Variants in IGF1R observed in about 807,000 individuals in gnomAD.
IGF1R encodes insulin-like growth factor 1 receptor.
A neutral mutation model predicts 144.6 loss-of-function variants in IGF1R; 44 were observed. That is an observed-to-expected ratio of 0.30 (90% CI 0.24 to 0.39). IGF1R has a LOEUF of 0.39. IGF1R is among the 10% of genes least tolerant of loss of function. The pLI, the probability that IGF1R is intolerant of heterozygous loss-of-function variation, is 1.00. For synonymous variants in IGF1R, 795 were observed against 722.8 expected (o/e 1.10, Z -1.60); for missense variants, 1,355 against 1,833.7 (o/e 0.74, Z 4.77).
At chr15:98,879,634 A>C (rs2013266128) in intron 2 of IGF1R, among the ~76,000 whole-genome samples, 1 of 152,112 alleles carries the variant, frequency 6.6e-6, no homozygotes, top group African/African-American at 2.4e-5. Context: ...TTTAGAATGA[A>C]TCTAGAATGC....
chr15:98,757,008 T>A (rs142945274), intron 2 of IGF1R, among the ~76,000 whole-genome samples: 11 of 152,358 alleles, frequency 7.2e-5, no homozygotes, highest in African/African-American at 2.4e-4. Flanking sequence ...TAAGTTTTAA[T>A]TGCTTTGTGG....
At chr15:98,948,496 A>G (rs2016642475) in intron 19 of IGF1R, 78 bp from the exon 20 acceptor site, 1 of 1,459,814 alleles carries the variant, frequency 6.9e-7, no homozygotes, top group East Asian at 2.3e-5. Flanking sequence ...TCGGGATGTA[A>G]GAAGTGCTGG....
intron 2 of IGF1R, among the ~76,000 whole-genome samples, chr15:98,826,958 A>G (rs1421423418): frequency 6.6e-6 from 1 of 152,244 alleles, no homozygotes; most frequent in Non-Finnish European, 1.5e-5. Context: ...ACGGCTGCCT[A>G]GGATTAGACT....
At chr15:98,940,041 G>T (rs927409660) in intron 18 of IGF1R, among the ~76,000 whole-genome samples, 2 of 152,180 alleles carry the variant, frequency 1.3e-5, no homozygotes, top group Non-Finnish European at 2.9e-5. Flanking sequence ...TTGAATTTCT[G>T]AGCAATGGTT....
chr15:98,831,703 A>T (rs960168959), intron 2 of IGF1R, among the ~76,000 whole-genome samples: 1 of 152,206 alleles, frequency 6.6e-6, no homozygotes, highest in Non-Finnish European at 1.5e-5. Flanking sequence ...GTGAGAAGGT[A>T]TTGGGGGTGT....
At chr15:98,936,073 C>T (rs1229788066) in intron 17 of IGF1R, among the ~76,000 whole-genome samples, 1 of 152,172 alleles carries the variant, frequency 6.6e-6, no homozygotes, top group African/African-American at 2.4e-5. Flanking sequence ...TTCATAAACC[C>T]CCTCCCCACA....
chr15:98,768,960 C>CAAA (rs1567119552), intron 2 of IGF1R, among the ~76,000 whole-genome samples: 36 of 146,040 alleles, frequency 2.5e-4, no homozygotes, highest in South Asian at 1.3e-3. Context: ...ACAACAACAA[C>CAAA]ACCTCACAAC....
At chr15:98,768,951 CAA>C (rs2055513191) in intron 2 of IGF1R, among the ~76,000 whole-genome samples, 1 of 131,920 alleles carries the variant, frequency 7.6e-6, no homozygotes, top group African/African-American at 2.6e-5. Flanking sequence ...ACAACAACAA[CAA>C]CAACAACACC....
At chr15:98,700,413 A>G (rs2053699552) in intron 1 of IGF1R, among the ~76,000 whole-genome samples, 1 of 152,130 alleles carries the variant, frequency 6.6e-6, no homozygotes, top group Non-Finnish European at 1.5e-5. Flanking sequence ...GGGTAGTGAC[A>G]GGTGGTGTGG....
In IGF1R at chr15:98,942,942, T is replaced by C. The variant is rs562799543; in HGVS notation, c.3477T>C (p.Asp1159=). 3.3e-4 allele frequency: 530 copies of C among 1,614,172 alleles called. 4 individuals carry two copies. The South Asian group carries it at 4.3e-3, about 13-fold the overall frequency. Residue 1159 remains aspartate, a synonymous_variant, in exon 19 of 21, where the codon GAT becomes GAC. Transcript: ENST00000650285. ...TTACAGATTTTGGTATGACGCGAGA[T>C]ATCTATGAGACAGACTATTACCGGA... ...VKIGDFGMTR[D]IYETDYYRKG...
chr15:98,836,501 A>G (rs1221792848), intron 2 of IGF1R, among the ~76,000 whole-genome samples: 2 of 151,064 alleles, frequency 1.3e-5, no homozygotes, highest in Non-Finnish European at 2.9e-5. Flanking sequence ...TCTTGGAGAC[A>G]GATTAAGACC....
At chr15:98,774,751 A>G (rs1455645873) in intron 2 of IGF1R, among the ~76,000 whole-genome samples, 1 of 152,140 alleles carries the variant, frequency 6.6e-6, no homozygotes, top group Non-Finnish European at 1.5e-5. Flanking sequence ...GCAAGATGGA[A>G]AAAGTTCTGG....
At chr15:98,918,142 C>T (rs1311089796) in intron 10 of IGF1R, among the ~76,000 whole-genome samples, 6 of 152,138 alleles carry the variant, frequency 3.9e-5, no homozygotes, top group African/African-American at 9.7e-5. Flanking sequence ...GCCCCCTCTT[C>T]CTGTAAGATT....
At chr15:98,811,693 G>A (rs144778756) in intron 2 of IGF1R, among the ~76,000 whole-genome samples, 5 of 152,104 alleles carry the variant, frequency 3.3e-5, no homozygotes, top group Admixed American at 6.5e-5. Flanking sequence ...TTGGGAGGCC[G>A]AGGCGGGCGG....
chr15:98,754,455 A>G (rs45540045), intron 2 of IGF1R, among the ~76,000 whole-genome samples: 56 of 152,316 alleles, frequency 3.7e-4, no homozygotes, highest in Non-Finnish European at 5.0e-4. Flanking sequence ...CCAGTTGAGA[A>G]GCTGAAGGTT....
At chr15:98,821,782 A>G (rs987967234) in intron 2 of IGF1R, among the ~76,000 whole-genome samples, 27 of 152,218 alleles carry the variant, frequency 1.8e-4, no homozygotes, top group African/African-American at 6.3e-4. Flanking sequence ...CCTGGGGCTC[A>G]GGAGCCAAGA....
intron 2 of IGF1R, among the ~76,000 whole-genome samples, chr15:98,742,180 A>G (rs2054760841): frequency 6.6e-6 from 1 of 152,240 alleles, no homozygotes; most frequent in Admixed American, 6.5e-5. Context: ...ATCAGATCTT[A>G]TTCCGGAGGA....
intron 19 of IGF1R, among the ~76,000 whole-genome samples, chr15:98,946,065 A>G (rs1396084113): frequency 6.6e-6 from 1 of 151,920 alleles, no homozygotes; most frequent in Non-Finnish European, 1.5e-5. Flanking sequence ...CTGGTCCTGG[A>G]AGGATAAAGT....
Position 98,959,528 on chromosome 15 carries a change from C to T in IGF1R, c.*2086C>T, listed in dbSNP as rs756283974. 10 of 233,518 alleles carry T rather than the reference C, an allele frequency of 4.3e-5. No homozygotes were observed. The highest frequency in any genetic ancestry group is 1.8e-4 in the South Asian group (1 of 5,530). The allele number at this position is 233,518 out of a possible 1,614,324, so 14.5% of individuals were successfully genotyped here. ...GAGTGCTAGGTGGAGGCAGCACAGACGCCACGGTGGCCCAAGAGCCCCTTT... is the reference window on the plus strand; with the variant it reads ...GAGTGCTAGGTGGAGGCAGCACAGATGCCACGGTGGCCCAAGAGCCCCTTT... On this transcript the variant is annotated 3_prime_UTR_variant, in exon 21 of 21. Transcript: ENST00000650285.
Sources: allele counts gnomAD v4.1 joint callset (sites outside exome capture counted in the v4.1 genomes callset), GRCh38; gene constraint gnomAD v4.1.1; transcripts MANE v1.5; gene names NCBI Gene and HGNC (gene_info 2026-07-23, HGNC 2026-07-21).